Variants in SYK observed in about 807,000 individuals in gnomAD.
SYK encodes spleen associated tyrosine kinase, also known as tyrosine-protein kinase SYK.
In SYK, 16 loss-of-function variants were observed where a neutral mutation model predicts 77.8. The observed-to-expected ratio is 0.21, with a 90% CI of 0.14 to 0.31. SYK has a LOEUF of 0.31. Among genes scored for constraint, SYK ranks in the 10% least tolerant of loss-of-function variants. The pLI is 1.00. For synonymous variants in SYK, 312 were observed against 308.7 expected (o/e 1.01, Z -0.11); for missense variants, 529 against 814.4 (o/e 0.65, Z 4.26).
chr9:90,823,016 C>G (rs1825568823), intron 1 of SYK, among the ~76,000 whole-genome samples: 1 of 152,192 alleles, frequency 6.6e-6, no homozygotes, highest in Non-Finnish European at 1.5e-5. Flanking sequence ...TTCTCCATGA[C>G]AATGGTTACT....
chr9:90,878,295 T>A (rs1828020340), intron 10 of SYK, among the ~76,000 whole-genome samples: 1 of 152,214 alleles, frequency 6.6e-6, no homozygotes, highest in Non-Finnish European at 1.5e-5. Context: ...ATGAAGAAAC[T>A]CACTTGGAGT....
At chr9:90,824,596 A>C (rs1825612898) in intron 1 of SYK, among the ~76,000 whole-genome samples, 1 of 152,192 alleles carries the variant, frequency 6.6e-6, no homozygotes, top group Admixed American at 6.5e-5. Context: ...GATACATCAC[A>C]TCAATGGGCT....
chr9:90,884,203 G>A (rs1213783100), intron 11 of SYK, among the ~76,000 whole-genome samples: 1 of 148,536 alleles, frequency 6.7e-6, no homozygotes, highest in Non-Finnish European at 1.5e-5. Flanking sequence ...ATACACATAC[G>A]TGTATATATA....
chr9:90,841,315 G>T (rs560376207), intron 1 of SYK, among the ~76,000 whole-genome samples: 1 of 150,680 alleles, frequency 6.6e-6, no homozygotes, highest in Non-Finnish European at 1.5e-5. Context: ...TTTGTGTGCT[G>T]CACGTAGTGT....
chr9:90,823,236 C>G (rs555366208), intron 1 of SYK, among the ~76,000 whole-genome samples: 1 of 152,278 alleles, frequency 6.6e-6, no homozygotes, highest in East Asian at 1.9e-4. Context: ...ATGTGCATAA[C>G]AACAGAGCAT....
At chr9:90,857,483 T>G (rs1366125267) in intron 3 of SYK, among the ~76,000 whole-genome samples, 1 of 152,226 alleles carries the variant, frequency 6.6e-6, no homozygotes, top group East Asian at 1.9e-4. Flanking sequence ...ATAAAATGTT[T>G]TAAACGACAG....
intron 7 of SYK, 98 bp downstream of exon 7, chr9:90,867,297 C>G: frequency 8.3e-7 from 1 of 1,203,164 alleles, no homozygotes; most frequent in Non-Finnish European, 1.2e-6. Flanking sequence ...GCGCTGCCCC[C>G]CATCTCTTGC....
chr9:90,872,234 C>A (rs919139771), intron 7 of SYK, among the ~76,000 whole-genome samples: 1 of 152,198 alleles, frequency 6.6e-6, no homozygotes, highest in Non-Finnish European at 1.5e-5. Flanking sequence ...GAGGCTGCAA[C>A]CCCAGGATAA....
intron 1 of SYK, among the ~76,000 whole-genome samples, chr9:90,817,866 TGTGTGTGTGTGTGTGTG>T (rs1825346991): frequency 7.1e-6 from 1 of 141,676 alleles, no homozygotes; most frequent in Non-Finnish European, 1.5e-5. Context: ...TGTGTGTGTG[TGTGTGTGTGTGTGTGTG>T]AGAGAGAGAG....
chr9:90,850,647 C>T (rs147116022), intron 3 of SYK, among the ~76,000 whole-genome samples: 1 of 151,994 alleles, frequency 6.6e-6, no homozygotes, highest in Non-Finnish European at 1.5e-5. Flanking sequence ...AAAATCCCAG[C>T]GATTACTCTT....
intron 1 of SYK, among the ~76,000 whole-genome samples, chr9:90,821,205 C>G (rs920209564): frequency 9.2e-5 from 14 of 152,284 alleles, no homozygotes; most frequent in African/African-American, 3.1e-4. Context: ...TCTTCTGAAC[C>G]CTCCAAACTG....
intron 7 of SYK, among the ~76,000 whole-genome samples, chr9:90,873,412 T>C (rs769255011): frequency 3.3e-5 from 5 of 152,148 alleles, no homozygotes; most frequent in Admixed American, 1.3e-4. Flanking sequence ...AATCTTGTTT[T>C]AATTTGGAAG....
chr9:90,897,400 CA>C lies in SYK; in HGVS notation c.*1804del. On this transcript the variant is annotated 3_prime_UTR_variant, in exon 14 of 14. Transcript: ENST00000375754. The stretch of plus-strand genomic sequence containing the variant: ...TCCCTGAAATTAGAAAGATCAATGA[CA>C]AAATATCTGTCAGCCAGGCCACAAA... The C allele has an allele frequency of 4.3e-6, 1 of 231,838 alleles. No individual in the cohort carries two copies. The allele number at this position is 231,838 out of a possible 1,614,324, so 14.4% of individuals were successfully genotyped here. A position where few individuals can be genotyped will look rare whatever the true frequency, so the allele number is the denominator to read the frequency against.
chr9:90,828,134 A>G, intron 1 of SYK, among the ~76,000 whole-genome samples: 1 of 151,914 alleles, frequency 6.6e-6, no homozygotes, highest in Non-Finnish European at 1.5e-5. Context: ...AAAGTAAAAT[A>G]GAGCCTGAAA....
At chr9:90,805,342 G>A (rs769263322) in intron 1 of SYK, among the ~76,000 whole-genome samples, 27 of 152,210 alleles carry the variant, frequency 1.8e-4, no homozygotes, top group South Asian at 4.1e-4. Flanking sequence ...GTCCTGGAGC[G>A]CTGGAAGGGA....
intron 9 of SYK, among the ~76,000 whole-genome samples, chr9:90,876,072 G>C (rs978870415): frequency 2.0e-5 from 3 of 152,098 alleles, no homozygotes; most frequent in African/African-American, 7.2e-5. Context: ...GATCACCTGA[G>C]GTCTGGAGTT....
intron 3 of SYK, among the ~76,000 whole-genome samples, chr9:90,860,120 C>G (rs1469086934): frequency 1.3e-5 from 2 of 152,246 alleles, no homozygotes; most frequent in Non-Finnish European, 2.9e-5. Context: ...TCCCAAAGTG[C>G]TAGGATTACA....
chr9:90,887,439 T>G (rs1415405984), intron 11 of SYK, among the ~76,000 whole-genome samples: 1 of 146,858 alleles, frequency 6.8e-6, no homozygotes, highest in African/African-American at 2.5e-5. Context: ...AGTCTCTCGT[T>G]GTGTCACCCA....
At chr9:90,838,452 G>A (rs1204628564) in intron 1 of SYK, among the ~76,000 whole-genome samples, 1 of 152,184 alleles carries the variant, frequency 6.6e-6, no homozygotes, top group East Asian at 1.9e-4. Flanking sequence ...ATTATTTCAT[G>A]TCAAAAAACA....
Sources: allele counts gnomAD v4.1 joint callset (sites outside exome capture counted in the v4.1 genomes callset), GRCh38; gene constraint gnomAD v4.1.1; transcripts MANE v1.5; gene names NCBI Gene and HGNC (gene_info 2026-07-23, HGNC 2026-07-21).